Variants in BCAS4 observed in about 807,000 individuals in gnomAD.
BCAS4 encodes breast carcinoma amplified sequence 4.
In BCAS4, 9 loss-of-function variants were observed where a neutral mutation model predicts 15.7. The observed-to-expected ratio is 0.57, with a 90% CI of 0.34 to 1.00. BCAS4 has a LOEUF of 1.00. Ranked by LOEUF, BCAS4 falls within the 50% of genes least tolerant of loss-of-function variation. BCAS4 has a pLI of 0.02. For missense variants in BCAS4, 225 were observed against 239.1 expected (o/e 0.94, Z 0.39); for synonymous variants, 101 against 99.5 (o/e 1.02, Z -0.09).
intron 4 of BCAS4, among the ~76,000 whole-genome samples, chr20:50,863,674 G>C (rs1038168216): frequency 3.3e-5 from 5 of 152,212 alleles, no homozygotes; most frequent in African/African-American, 1.2e-4. Flanking sequence ...GTATGACTCT[G>C]ATGTGACAGC....
At chr20:50,809,508 C>G (rs2088034861) in intron 1 of BCAS4, among the ~76,000 whole-genome samples, 1 of 152,092 alleles carries the variant, frequency 6.6e-6, no homozygotes, top group Admixed American at 6.6e-5. Context: ...CGCACCCAGC[C>G]TTTATAGTAT....
intron 1 of BCAS4, among the ~76,000 whole-genome samples, chr20:50,809,928 C>T (rs1360860833): frequency 6.6e-6 from 1 of 152,124 alleles, no homozygotes; most frequent in Non-Finnish European, 1.5e-5. Context: ...GTATAGCAGT[C>T]TACTGATTTG....
chr20:50,857,560 C>T (rs768055404), intron 4 of BCAS4, among the ~76,000 whole-genome samples: 2 of 152,200 alleles, frequency 1.3e-5, no homozygotes, highest in East Asian at 3.8e-4. Context: ...CAAGGTCACA[C>T]AGCTAGGAAG....
At chr20:50,819,539 G>A (rs1200956564) in intron 2 of BCAS4, among the ~76,000 whole-genome samples, 1 of 152,112 alleles carries the variant, frequency 6.6e-6, no homozygotes, top group Non-Finnish European at 1.5e-5. Flanking sequence ...GCCTTTCTTT[G>A]TGCCCGGCAC....
At chr20:50,869,253 C>T (rs983527380) in intron 4 of BCAS4, among the ~76,000 whole-genome samples, 1 of 152,150 alleles carries the variant, frequency 6.6e-6, no homozygotes, top group Non-Finnish European at 1.5e-5. Flanking sequence ...GCCCAGTGCC[C>T]TGGGGGATGA....
Position 50,822,805 on chromosome 20 carries a change from T to TG in BCAS4, c.162+4523_162+4524insG, listed in dbSNP as rs1266923479. On this transcript the variant is annotated intron_variant, in intron 2 of 4. Coordinates refer to ENST00000371608, the MANE Select transcript of BCAS4 (RefSeq NM_198799.4). ...CCACGCCTGGCTAATTTTTGTATTTTTAGTAGAGATGGGGTTTCACCATGT... is the reference window on the plus strand; with the variant it reads ...CCACGCCTGGCTAATTTTTGTATTTTGTAGTAGAGATGGGGTTTCACCATGT... Among the ~76,000 whole-genome samples the TG allele has an allele frequency of 4.6e-5, 7 of 151,780 alleles. No individual in the cohort carries two copies. The East Asian group carries it at 1.4e-3, about 30-fold the overall frequency.
intron 1 of BCAS4, among the ~76,000 whole-genome samples, chr20:50,809,851 T>C (rs908893501): frequency 6.6e-6 from 1 of 152,232 alleles, no homozygotes; most frequent in Non-Finnish European, 1.5e-5. Flanking sequence ...CTAAATATTT[T>C]ATTTTTTGCA....
At chr20:50,848,047 GCAA>G (rs1462257696) in intron 4 of BCAS4, among the ~76,000 whole-genome samples, 10 of 151,466 alleles carry the variant, frequency 6.6e-5, no homozygotes, top group African/African-American at 1.7e-4. Context: ...TCAAACAATA[GCAA>G]CAACAACAAA....
At chr20:50,813,223 T>C (rs1470171259) in intron 1 of BCAS4, among the ~76,000 whole-genome samples, 1 of 152,220 alleles carries the variant, frequency 6.6e-6, no homozygotes, top group African/African-American at 2.4e-5. Context: ...ATTGTACCCT[T>C]CCCACCAGCA....
intron 1 of BCAS4, among the ~76,000 whole-genome samples, chr20:50,808,853 T>TA (rs1489798684): frequency 4.0e-4 from 61 of 152,228 alleles, no homozygotes; most frequent in African/African-American, 1.4e-3. Flanking sequence ...CCCACCTATT[T>TA]ATCTTTGTTT....
intron 4 of BCAS4, among the ~76,000 whole-genome samples, chr20:50,874,087 G>A (rs934764407): frequency 3.3e-5 from 5 of 152,010 alleles, no homozygotes; most frequent in South Asian, 2.1e-4. Context: ...CTCCACTGTC[G>A]CCCCTAGAGT....
At chr20:50,808,126 A>C (rs984162126) in intron 1 of BCAS4, among the ~76,000 whole-genome samples, 1 of 151,666 alleles carries the variant, frequency 6.6e-6, no homozygotes, top group Non-Finnish European at 1.5e-5. Context: ...GTTAGCCAGG[A>C]TGGTCTCGAT....
At position 50,851,353 on chromosome 20, in the gene BCAS4, A is replaced by G. The variant is rs1164890232; in HGVS notation, c.399+9453A>G. Among the ~76,000 whole-genome samples the G allele has an allele frequency of 6.6e-6, 1 of 151,946 alleles. No homozygotes were observed. Among genetic ancestry groups the G allele is most frequent in the Non-Finnish European group, 1.5e-5 (1 of 67,984 alleles). On this transcript the variant is annotated intron_variant, in intron 4 of 4. Transcript: ENST00000371608. This position sits in a 1 kb window ranked among gnomAD's most constrained non-coding sequence, Gnocchi z 4.3. ...TGCCGGGTCCCAGCCCCCACCTACC[A>G]GCCCCCTCCCCACGGCTCCCAGGGA...
chr20:50,856,007 C>T (rs541781344), intron 4 of BCAS4, among the ~76,000 whole-genome samples: 25 of 152,274 alleles, frequency 1.6e-4, no homozygotes, highest in African/African-American at 4.6e-4. Flanking sequence ...GAAAGGCCTG[C>T]GGGAGGGAAG....
intron 3 of BCAS4, among the ~76,000 whole-genome samples, chr20:50,835,019 G>T (rs945659716): frequency 1.8e-4 from 27 of 152,272 alleles, no homozygotes; most frequent in African/African-American, 6.5e-4. Context: ...ATGAACGTTT[G>T]CGTACAAGTT....
chr20:50,805,841 G>T (rs2087982657), intron 1 of BCAS4, among the ~76,000 whole-genome samples: 1 of 151,990 alleles, frequency 6.6e-6, no homozygotes, highest in Admixed American at 6.6e-5. Context: ...CAGGCGTGGT[G>T]GTGTGCTCTT....
chr20:50,865,136 A>G (rs1250509242), intron 4 of BCAS4, among the ~76,000 whole-genome samples: 3 of 152,190 alleles, frequency 2.0e-5, no homozygotes, highest in Admixed American at 1.3e-4. Context: ...TTGTGTGTCT[A>G]TGGTGATGAG....
chr20:50,828,539 G>T (rs2088305920), intron 2 of BCAS4, among the ~76,000 whole-genome samples: 1 of 152,162 alleles, frequency 6.6e-6, no homozygotes, highest in South Asian at 2.1e-4. Context: ...CAGATCTTTG[G>T]GAGGCCAAGG....
At chr20:50,833,912 A>T (rs1347713840) in intron 3 of BCAS4, among the ~76,000 whole-genome samples, 1 of 152,150 alleles carries the variant, frequency 6.6e-6, no homozygotes, top group South Asian at 2.1e-4. Context: ...GCTGGAACAG[A>T]GGGGGCTTCC....
Sources: gnomAD v4.1 joint callset for allele counts (sites outside exome capture counted in the v4.1 genomes callset) on GRCh38, gnomAD v4.1.1 for gene constraint, Gnocchi (gnomAD v3.1) non-coding constraint, MANE v1.5 for transcripts, NCBI Gene and HGNC (gene_info 2026-07-23, HGNC 2026-07-21) for gene names.